The following CACNA1C variants were observed in gnomAD, a reference collection of about 807,000 sequenced individuals.
CACNA1C encodes the protein voltage-dependent L-type calcium channel subunit alpha-1C.
A neutral mutation model predicts 229.0 loss-of-function variants in CACNA1C; 30 were observed. The observed-to-expected ratio is 0.13, with a 90% CI of 0.10 to 0.18. The LOEUF (loss-of-function observed/expected upper bound fraction) is 0.18. Ranked by LOEUF, CACNA1C falls within the 10% of genes least tolerant of loss-of-function variation. The pLI is 1.00. For missense variants in CACNA1C, 1,658 were observed against 2,845.0 expected (o/e 0.58, Z 9.49); for synonymous variants, 1,114 against 1,132.5 (o/e 0.98, Z 0.33).
At chr12:2,117,778 G>T (rs2084630940) in intron 2 of CACNA1C, among the ~76,000 whole-genome samples, 1 of 152,234 alleles carries the variant, frequency 6.6e-6, no homozygotes, top group Non-Finnish European at 1.5e-5. Context: ...CTACTCCCTG[G>T]GTGCTGTGGC....
At chr12:2,122,672 A>G (rs976195069) in intron 3 of CACNA1C, among the ~76,000 whole-genome samples, 1 of 152,112 alleles carries the variant, frequency 6.6e-6, no homozygotes, top group Admixed American at 6.5e-5. Flanking sequence ...TTTTGTCCTG[A>G]GCCCTCTGAT....
At chr12:2,462,289 C>T (rs575111000) in intron 5 of CACNA1C, among the ~76,000 whole-genome samples, 1 of 150,544 alleles carries the variant, frequency 6.6e-6, no homozygotes, top group South Asian at 2.1e-4. Flanking sequence ...TCCTCGGCAC[C>T]CCCTCGGCTC....
In CACNA1C at chr12:2,677,605, G is replaced by C; in HGVS notation, c.4957-128G>C. 9.3e-7 allele frequency: 1 copy of C among 1,073,786 alleles called. No individual in the cohort carries two copies. The highest frequency in any genetic ancestry group is 1.5e-5 in the South Asian group (1 of 65,732). 66.5% of individuals were successfully genotyped at this position (1,073,786 alleles called of 1,614,324 possible). On this transcript the variant is annotated intron_variant, in intron 40 of 46. Transcript: ENST00000399655. This position sits in a 1 kb window ranked among gnomAD's most constrained non-coding sequence, Gnocchi z 7.4. ...AGTTCACACACACACAAACCTTCCG[G>C]AGGGTCGACTGGCTGGGTGGAGGAT...
chr12:2,509,416 T>C (rs73046256), intron 8 of CACNA1C, among the ~76,000 whole-genome samples: 4,826 of 152,278 alleles, frequency 0.032, 115 homozygotes, highest in Middle Eastern at 0.078. Flanking sequence ...CACTGAGACG[T>C]TGGTCCTGAG....
At chr12:2,221,619 G>A (rs1267489902) in intron 3 of CACNA1C, 2 of 152,228 alleles carry the variant, frequency 1.3e-5, no homozygotes, top group African/African-American at 2.4e-5. Flanking sequence ...ACTCACCTTG[G>A]AGGGTCATTT....
At chr12:2,557,895 A>C (rs1267376691) in intron 11 of CACNA1C, among the ~76,000 whole-genome samples, 2 of 152,234 alleles carry the variant, frequency 1.3e-5, no homozygotes, top group Non-Finnish European at 2.9e-5. Flanking sequence ...GTGAACGTCC[A>C]TACATGTGTG....
intron 3 of CACNA1C, among the ~76,000 whole-genome samples, chr12:2,143,434 A>G (rs1483140704): frequency 6.6e-6 from 1 of 151,050 alleles, no homozygotes; most frequent in Non-Finnish European, 1.5e-5. Context: ...TAAGTGCCCT[A>G]TACAGGTGCA....
chr12:2,343,672 G>T (rs183487314), intron 3 of CACNA1C, among the ~76,000 whole-genome samples: 165 of 152,318 alleles, frequency 1.1e-3, no homozygotes, highest in African/African-American at 3.9e-3. Context: ...CAGTAAGAGT[G>T]GGGGCTGGGA....
At chr12:2,368,715 G>T (rs1414119400) in intron 3 of CACNA1C, among the ~76,000 whole-genome samples, 1 of 152,188 alleles carries the variant, frequency 6.6e-6, no homozygotes, top group African/African-American at 2.4e-5. Context: ...AGTTTAAGAA[G>T]AACCCTAATC....
chr12:2,205,412 G>A (rs1268562562), intron 3 of CACNA1C, among the ~76,000 whole-genome samples: 4 of 152,194 alleles, frequency 2.6e-5, no homozygotes, highest in Non-Finnish European at 5.9e-5. Context: ...GTCTCATTAT[G>A]TGTCACTTAA....
At chr12:2,019,907 T>C (rs1565943092) in intron 1 of CACNA1C, 1 of 152,256 alleles carries the variant, frequency 6.6e-6, no homozygotes, top group Non-Finnish European at 1.5e-5. Context: ...AATTTCTTTT[T>C]ATGTTTCTTA....
intron 11 of CACNA1C, among the ~76,000 whole-genome samples, chr12:2,557,391 G>A (rs2045010873): frequency 6.6e-6 from 1 of 152,218 alleles, no homozygotes; most frequent in African/African-American, 2.4e-5. Flanking sequence ...ACACCCGTCT[G>A]TGTCACTGCT....
At chr12:2,531,427 C>T (rs2283323) in intron 9 of CACNA1C, among the ~76,000 whole-genome samples, 50,546 of 152,002 alleles carry the variant, frequency 0.33, 9,339 homozygotes, top group African/African-American at 0.5. Flanking sequence ...CCTCTCTGGG[C>T]CTCAATTTCC....
intron 5 of CACNA1C, among the ~76,000 whole-genome samples, chr12:2,465,165 TG>T (rs2099542360): frequency 6.6e-6 from 1 of 152,240 alleles, no homozygotes; most frequent in South Asian, 2.1e-4. Flanking sequence ...AAGTGGTAGC[TG>T]TTACATTATA....
chr12:2,216,502 C>T (rs1037504070), intron 3 of CACNA1C, among the ~76,000 whole-genome samples: 1 of 152,116 alleles, frequency 6.6e-6, no homozygotes, highest in Non-Finnish European at 1.5e-5. Flanking sequence ...GTTATCAAAC[C>T]CTCCTGGGTT....
chr12:2,517,468 G>C (rs1310182842), intron 9 of CACNA1C, among the ~76,000 whole-genome samples: 1 of 152,226 alleles, frequency 6.6e-6, no homozygotes, highest in Admixed American at 6.5e-5. Flanking sequence ...TTGGAAAAAA[G>C]AGGACGTGAT....
rs2051204095 is a variant in CACNA1C, at chr12:2,566,810, A to G, written c.1669+228A>G. 6.6e-6 allele frequency among the ~76,000 whole-genome samples: 1 copy of G among 152,120 alleles called. No homozygotes were observed. Among genetic ancestry groups the G allele is most frequent in the African/African-American group, 2.4e-5 (1 of 41,410 alleles). ...CGGCTCTCCTGACTGGGCCCACACC[A>G]TCAGCCTGCCCCAAAGTCACTGTTG... On this transcript the variant is annotated intron_variant, in intron 12 of 46. Transcript: ENST00000399655. The surrounding 1 kb of genome is among the most constrained non-coding windows in gnomAD (Gnocchi z 4.0).
chr12:2,002,488 T>C (rs899460030), intron 1 of CACNA1C, among the ~76,000 whole-genome samples: 1 of 152,248 alleles, frequency 6.6e-6, no homozygotes, highest in African/African-American at 2.4e-5. Flanking sequence ...ACATAACTCC[T>C]GTAATTAATG....
intron 3 of CACNA1C, among the ~76,000 whole-genome samples, chr12:2,267,697 G>A (rs2082913731): frequency 6.6e-6 from 1 of 152,222 alleles, no homozygotes; most frequent in South Asian, 2.1e-4. Flanking sequence ...TCATCCCAGA[G>A]TAGGATGCTC....
Sources: gnomAD v4.1 joint callset for allele counts (sites outside exome capture counted in the v4.1 genomes callset) on GRCh38, gnomAD v4.1.1 for gene constraint, Gnocchi (gnomAD v3.1) non-coding constraint, MANE v1.5 for transcripts, NCBI Gene and HGNC (gene_info 2026-07-23, HGNC 2026-07-21) for gene names.